SGCZ: variants seen among roughly 807,000 people sequenced by gnomAD.
The protein encoded by SGCZ is sarcoglycan zeta.
Under a neutral mutation model 41.3 loss-of-function variants are expected in SGCZ, and 40 were observed. That is an observed-to-expected ratio of 0.97 (90% CI 0.75 to 1.26). The LOEUF is 1.26. Ranked by LOEUF, SGCZ falls within the 50% of genes most tolerant of loss-of-function variation. The pLI, the probability that SGCZ is intolerant of heterozygous loss-of-function variation, is 0.00. For missense variants in SGCZ, 552 were observed against 369.8 expected (o/e 1.49, Z -4.04); for synonymous variants, 206 against 137.5 (o/e 1.50, Z -3.49).
At position 14,410,538 on chromosome 8, in the gene SGCZ, T is replaced by C. The variant is rs1189035362; in HGVS notation, c.235-86334A>G. Among the ~76,000 whole-genome samples, 4 of 110,092 alleles carry C rather than the reference T, an allele frequency of 3.6e-5. No individual in the cohort carries two copies. The East Asian group carries it at 8.9e-4, about 24-fold the overall frequency. The allele number at this position is 110,092 out of a possible 152,430, so 72.2% of individuals were successfully genotyped here. A position where few individuals can be genotyped will look rare whatever the true frequency, so the allele number is the denominator to read the frequency against. On this transcript the variant is annotated intron_variant, in intron 2 of 7. Coordinates refer to ENST00000382080, the MANE Select transcript of SGCZ (RefSeq NM_139167.4). ...GAAATGCTGTGTAATTCTAAGTTAATATAAAAAAAAAAAAACAGAAGTTCT... is the reference window on the plus strand; with the variant it reads ...GAAATGCTGTGTAATTCTAAGTTAACATAAAAAAAAAAAAACAGAAGTTCT...
intron 1 of SGCZ, among the ~76,000 whole-genome samples, chr8:15,168,713 G>C (rs899573991): frequency 3.3e-5 from 5 of 152,070 alleles, no homozygotes; most frequent in African/African-American, 1.2e-4. Context: ...TGAACCCCTG[G>C]GACTCCTTTG....
intron 4 of SGCZ, among the ~76,000 whole-genome samples, chr8:14,192,663 ATTG>A (rs1252836183): frequency 2.0e-5 from 3 of 151,548 alleles, no homozygotes; most frequent in East Asian, 3.9e-4. Flanking sequence ...TAAGAATGAA[ATTG>A]TTGTCATTGA....
In SGCZ at chr8:15,182,574, T is replaced by C. The variant is rs12682525; in HGVS notation, c.39+55011A>G. Among the ~76,000 whole-genome samples the C allele has an allele frequency of 2.0e-5, 3 of 152,088 alleles. No individual in the cohort carries two copies. The South Asian group carries it at 6.2e-4, about 32-fold the overall frequency. ...TACAGTAAAAATACAGCATAAAAGA[T>C]TTTTTTAAGTGGCACACCTGTATAG... On this transcript the variant is annotated intron_variant, in intron 1 of 7. Coordinates refer to ENST00000382080, the MANE Select transcript of SGCZ (RefSeq NM_139167.4).
chr8:15,129,201 G>A (rs2034759), intron 1 of SGCZ, among the ~76,000 whole-genome samples: 1 of 151,446 alleles, frequency 6.6e-6, no homozygotes, highest in African/African-American at 2.4e-5. Context: ...TGACTTTTTC[G>A]TATTGCCGGG....
At chr8:14,230,025 T>C (rs902027161) in intron 4 of SGCZ, among the ~76,000 whole-genome samples, 1 of 152,128 alleles carries the variant, frequency 6.6e-6, no homozygotes, top group Non-Finnish European at 1.5e-5. Flanking sequence ...GTTGTGCTCA[T>C]TTACCTTCTT....
chr8:14,360,155 C>G (rs761327510), intron 2 of SGCZ, among the ~76,000 whole-genome samples: 1 of 152,032 alleles, frequency 6.6e-6, no homozygotes, highest in Non-Finnish European at 1.5e-5. Context: ...CAGCTAGTAT[C>G]ATACTTAATG....
intron 1 of SGCZ, among the ~76,000 whole-genome samples, chr8:14,590,242 A>T (rs1159996661): frequency 3.3e-5 from 5 of 152,144 alleles, no homozygotes; most frequent in Non-Finnish European, 4.4e-5. Flanking sequence ...TGAATAAAAA[A>T]GCAAAAATAA....
intron 4 of SGCZ, among the ~76,000 whole-genome samples, chr8:14,218,553 T>G (rs5014264): frequency 0.99 from 151,538 of 152,332 alleles, 75,380 homozygotes; most frequent in East Asian, 1. Context: ...TTGCATTGTT[T>G]AAATTTTGTG....
At position 14,432,706 on chromosome 8, in the gene SGCZ, G is replaced by A. The variant is rs190550558; in HGVS notation, c.235-108502C>T. 2.6e-3 allele frequency among the ~76,000 whole-genome samples: 395 copies of A among 152,188 alleles called. 4 individuals are homozygous for A. Among genetic ancestry groups the A allele is most frequent in the Admixed American group, 0.023 (349 of 15,278 alleles). On this transcript the variant is annotated intron_variant, in intron 2 of 7. Coordinates refer to ENST00000382080, the MANE Select transcript of SGCZ (RefSeq NM_139167.4). ...AGGCGGGCCGATCACCTGAGGTCGG[G>A]AGTTCGAGACCAGCCTGGCCAACGT... is the stretch of plus-strand genomic sequence containing the variant.
rs368137562 is a variant in SGCZ, at chr8:15,161,647, A to G, written c.39+75938T>C. On this transcript the variant is annotated intron_variant, in intron 1 of 7. Coordinates refer to ENST00000382080, the MANE Select transcript of SGCZ (RefSeq NM_139167.4). Reference sequence around the variant, plus strand: ...GAAAAAAGTTCAGCAAACATGTTGTAAAAAGTAGAAACCAAAAAATTTCAA... The same window carrying G: ...GAAAAAAGTTCAGCAAACATGTTGTGAAAAGTAGAAACCAAAAAATTTCAA... Among the ~76,000 whole-genome samples the G allele has an allele frequency of 4.6e-5, 7 of 152,252 alleles. No individual in the cohort carries two copies. The East Asian group carries it at 5.8e-4, about 13-fold the overall frequency.
At chr8:15,122,976 A>G (rs1807543832) in intron 1 of SGCZ, among the ~76,000 whole-genome samples, 1 of 152,200 alleles carries the variant, frequency 6.6e-6, no homozygotes, top group Non-Finnish European at 1.5e-5. Flanking sequence ...GTCAAGGTCT[A>G]TAGGTATAGT....
intron 1 of SGCZ, among the ~76,000 whole-genome samples, chr8:14,557,396 AGT>A (rs2117197808): frequency 6.6e-6 from 1 of 151,828 alleles, no homozygotes; most frequent in East Asian, 2.0e-4. Context: ...TACCTTTCTG[AGT>A]GTTCCTTTTG....
In SGCZ at chr8:14,268,835, G is replaced by C. The variant is rs144257693; in HGVS notation, c.337-31156C>G. Among the ~76,000 whole-genome samples, 8 of 151,806 alleles carry C rather than the reference G, an allele frequency of 5.3e-5. No homozygotes were observed. The East Asian group carries it at 1.5e-3, about 29-fold the overall frequency. On this transcript the variant is annotated intron_variant, in intron 3 of 7. Coordinates refer to ENST00000382080, the MANE Select transcript of SGCZ (RefSeq NM_139167.4). ...ATAAAACATCCTCATCTGAATTCTT[G>C]AAGTATGTTAAAAACGTATTAGAAT... is the stretch of plus-strand genomic sequence containing the variant.
chr8:14,207,293 A>G (rs1405598328), intron 4 of SGCZ, among the ~76,000 whole-genome samples: 4 of 152,194 alleles, frequency 2.6e-5, no homozygotes, highest in East Asian at 3.9e-4. Context: ...GAGAATGTCT[A>G]TTAACTGATA....
intron 1 of SGCZ, among the ~76,000 whole-genome samples, chr8:14,754,461 T>G (rs1319637379): frequency 2.6e-5 from 4 of 152,204 alleles, no homozygotes; most frequent in African/African-American, 4.8e-5. Flanking sequence ...TATTTATTGC[T>G]TATTATTGCT....
chr8:14,660,309 T>C (rs1488916122), intron 1 of SGCZ, among the ~76,000 whole-genome samples: 1 of 151,894 alleles, frequency 6.6e-6, no homozygotes, highest in Non-Finnish European at 1.5e-5. Context: ...CAGTGGCTCA[T>C]GCCCATAATC....
intron 1 of SGCZ, among the ~76,000 whole-genome samples, chr8:15,190,194 C>T (rs1443940031): frequency 1.3e-5 from 2 of 152,144 alleles, no homozygotes; most frequent in African/African-American, 4.8e-5. Context: ...ATCCTTGGCT[C>T]ATTTAATTTT....
intron 1 of SGCZ, among the ~76,000 whole-genome samples, chr8:15,067,517 C>G (rs1053926421): frequency 1.3e-5 from 2 of 152,132 alleles, no homozygotes; most frequent in Admixed American, 6.5e-5. Flanking sequence ...AGTTAGGGCT[C>G]TTAATCCTAT....
intron 3 of SGCZ, among the ~76,000 whole-genome samples, chr8:14,273,305 G>C (rs1047498460): frequency 6.6e-6 from 1 of 152,134 alleles, no homozygotes; most frequent in Non-Finnish European, 1.5e-5. Flanking sequence ...ACTGCACTTT[G>C]AAAATGACCT....
Sources: gnomAD v4.1 joint callset for allele counts (sites outside exome capture counted in the v4.1 genomes callset) on GRCh38, gnomAD v4.1.1 for gene constraint, MANE v1.5 for transcripts, NCBI Gene and HGNC (gene_info 2026-07-23, HGNC 2026-07-21) for gene names.